FIRRM: variants seen among roughly 807,000 people sequenced by gnomAD.
FIRRM encodes the protein FIGNL1-interacting regulator of recombination and mitosis.
chr1:169,844,839 C>T, the FIRRM span, among the ~76,000 whole-genome samples: 1 of 152,096 alleles, frequency 6.6e-6, no homozygotes, highest in Non-Finnish European at 1.5e-5. Context: ...GGTATTGCTT[C>T]CTTTATAAAA....
chr1:169,845,925 A>G, the FIRRM span, among the ~76,000 whole-genome samples: 13 of 152,306 alleles, frequency 8.5e-5, no homozygotes, highest in East Asian at 2.1e-3. Flanking sequence ...CCTTCCCAGA[A>G]GGTTTCCAAT....
chr1:169,823,896 C>G, the FIRRM span, among the ~76,000 whole-genome samples: 1 of 151,956 alleles, frequency 6.6e-6, no homozygotes, highest in Non-Finnish European at 1.5e-5. Flanking sequence ...TTTTCTGAAA[C>G]CATCTCAGAA....
At chr1:169,812,939 T>C in the FIRRM span, among the ~76,000 whole-genome samples, 1 of 152,176 alleles carries the variant, frequency 6.6e-6, no homozygotes, top group South Asian at 2.1e-4. Context: ...TTCAAATATT[T>C]TTAATAAGGG....
the FIRRM span, among the ~76,000 whole-genome samples, chr1:169,809,023 C>T: frequency 6.6e-6 from 1 of 152,206 alleles, no homozygotes; most frequent in Non-Finnish European, 1.5e-5. Context: ...GCGCTCTTCC[C>T]TGCCAGTCAG....
At chr1:169,795,075 G>A in the FIRRM span, 10 of 1,521,314 alleles carry the variant, frequency 6.6e-6, no homozygotes, top group Non-Finnish European at 8.8e-6. Flanking sequence ...GGCGGGTCTG[G>A]TTTGAAGCTC....
the FIRRM span, among the ~76,000 whole-genome samples, chr1:169,838,446 G>A: frequency 6.6e-6 from 1 of 151,972 alleles, no homozygotes; most frequent in East Asian, 1.9e-4. Context: ...AGTCCAGCAG[G>A]TTGTTCAACA....
At chr1:169,830,797 TG>T in the FIRRM span, 1 of 1,463,600 alleles carries the variant, frequency 6.8e-7, no homozygotes, top group Non-Finnish European at 9.6e-7. Flanking sequence ...GCACTTCCTT[TG>T]GGGATATGAT....
At chr1:169,791,811 T>C in the FIRRM span, among the ~76,000 whole-genome samples, 35 of 152,216 alleles carry the variant, frequency 2.3e-4, no homozygotes, top group Admixed American at 1.8e-3. Flanking sequence ...ACTGTTCTTA[T>C]AGAGAGCAAG....
chr1:169,829,319 C>T, the FIRRM span: 1 of 1,613,358 alleles, frequency 6.2e-7, no homozygotes, highest in Admixed American at 1.7e-5. Flanking sequence ...GGTGAACTCT[C>T]TCTACCTGTT....
the FIRRM span, chr1:169,830,647 G>A: frequency 6.4e-7 from 1 of 1,557,758 alleles, no homozygotes; most frequent in East Asian, 2.2e-5. Flanking sequence ...ATCTCCTTAT[G>A]TTTCTGAGTA....
chr1:169,821,682 A>G, the FIRRM span: 1 of 1,605,600 alleles, frequency 6.2e-7, no homozygotes, highest in Admixed American at 1.7e-5. Flanking sequence ...GGATCAGGAT[A>G]ATGCTGACTA....
the FIRRM span, among the ~76,000 whole-genome samples, chr1:169,841,843 C>T: frequency 6.6e-6 from 1 of 152,046 alleles, no homozygotes; most frequent in South Asian, 2.1e-4. Context: ...TAGATTTCTG[C>T]TTCCATTTGG....
chr1:169,854,077 CAA>C, the FIRRM span: 2 of 582,838 alleles, frequency 3.4e-6, no homozygotes, highest in East Asian at 5.8e-5. Context: ...GCTCATTAAA[CAA>C]ACTAAGCATT....
At chr1:169,807,751 T>TA in the FIRRM span, 3 of 1,523,874 alleles carry the variant, frequency 2.0e-6, no homozygotes, top group Non-Finnish European at 2.6e-6. Context: ...CTTGATGTGT[T>TA]ACTTGTGGTG....
the FIRRM span, chr1:169,803,033 T>C: frequency 9.1e-6 from 7 of 770,554 alleles, no homozygotes; most frequent in Admixed American, 1.7e-4. Context: ...GTAGTTCTGA[T>C]AGACTAAAGT....
the FIRRM span, chr1:169,802,836 A>T: frequency 1.6e-6 from 1 of 639,540 alleles, no homozygotes; most frequent in Non-Finnish European, 2.7e-6. Flanking sequence ...TAATGTTGGA[A>T]TTAAATTTAT....
chr1:169,843,063 TTTTC>T, the FIRRM span, among the ~76,000 whole-genome samples: 1 of 152,262 alleles, frequency 6.6e-6, no homozygotes, highest in Non-Finnish European at 1.5e-5. Flanking sequence ...AGCCTGTTTG[TTTTC>T]TTTGACTAAG....
the FIRRM span, chr1:169,852,402 TTAGTA>T: frequency 4.0e-6 from 1 of 250,198 alleles, no homozygotes; most frequent in Admixed American, 5.8e-5. Flanking sequence ...AGTATAGTAA[TTAGTA>T]TAGTAGTAAT....
the FIRRM span, among the ~76,000 whole-genome samples, chr1:169,840,494 G>A: frequency 2.6e-5 from 4 of 151,074 alleles, no homozygotes; most frequent in East Asian, 3.9e-4. Context: ...AAACAGGATC[G>A]TGTTCTTTTC....
Sources: allele counts gnomAD v4.1 joint callset (sites outside exome capture counted in the v4.1 genomes callset), GRCh38; gene constraint gnomAD v4.1.1; transcripts MANE v1.5; gene names NCBI Gene and HGNC (gene_info 2026-07-23, HGNC 2026-07-21).